The following MYO3A variants were observed in gnomAD, a reference collection of about 807,000 sequenced individuals.
The protein encoded by MYO3A is myosin IIIA, also known as myosin-IIIa.
In MYO3A, 180 loss-of-function variants were observed where a neutral mutation model predicts 192.7. The observed-to-expected ratio is 0.93, with a 90% CI of 0.83 to 1.06. The LOEUF (loss-of-function observed/expected upper bound fraction) is 1.06. MYO3A is among the 50% of genes least tolerant of loss of function. The pLI, the probability that MYO3A is intolerant of heterozygous loss-of-function variation, is 0.00. For synonymous variants in MYO3A, 628 were observed against 645.3 expected, an observed-to-expected ratio of 0.97 and a Z score of 0.41; for missense variants, 1,896 against 1,905.0, an observed-to-expected ratio of 1.00 and a Z score of 0.09.
intron 14 of MYO3A, among the ~76,000 whole-genome samples, chr10:26,071,902 C>G (rs56011042): frequency 0.47 from 72,009 of 151,738 alleles, 17,866 homozygotes; most frequent in Middle Eastern, 0.59. Flanking sequence ...TGTATTACTC[C>G]ATTCTCACAC....
chr10:26,087,071 AC>A (rs1162266646), intron 14 of MYO3A, among the ~76,000 whole-genome samples: 1 of 152,170 alleles, frequency 6.6e-6, no homozygotes, highest in Non-Finnish European at 1.5e-5. Flanking sequence ...AGATGCAAAA[AC>A]GAGGTGTTTG....
chr10:26,190,826 C>T (rs1278074031), intron 31 of MYO3A, among the ~76,000 whole-genome samples: 1 of 152,064 alleles, frequency 6.6e-6, no homozygotes, highest in Non-Finnish European at 1.5e-5. Flanking sequence ...TCCCTTTGCA[C>T]CAACCTAATA....
chr10:26,105,329 A>G (rs1406568457), intron 17 of MYO3A, among the ~76,000 whole-genome samples: 4 of 152,124 alleles, frequency 2.6e-5, no homozygotes, highest in Non-Finnish European at 5.9e-5. Context: ...TTCCACCAAC[A>G]ATACATATTA....
chr10:25,954,897 A>G lies in MYO3A; in HGVS notation c.192A>G (p.Ala64=). 6.2e-7 allele frequency: 1 copy of G among 1,612,508 alleles called. No individual in the cohort carries two copies. ...AGGATATTGACGAAGAGATTGAAGC[A>G]GAATATAACATCTTAAAAGCACTTT... is the stretch of plus-strand genomic sequence containing the variant. ...PIHDIDEEIE[A]EYNILKALSD... Residue 64 remains alanine, a synonymous_variant, in exon 4 of 35, where the codon GCA becomes GCG. Transcript: ENST00000642920.
At chr10:26,104,449 CT>C (rs1564552828) in intron 17 of MYO3A, among the ~76,000 whole-genome samples, 1 of 152,076 alleles carries the variant, frequency 6.6e-6, no homozygotes, top group African/African-American at 2.4e-5. Flanking sequence ...AAAGATTATC[CT>C]TTCCCCATTG....
In MYO3A at chr10:26,125,418, C is replaced by T. The variant is rs777460208; in HGVS notation, c.1924C>T (p.Arg642Trp). The change falls in exon 19 of 35, where the codon CGG (arginine) becomes TGG (tryptophan). Residue 642 changes from arginine to tryptophan, a missense_variant. By Grantham distance (101) the Arg-to-Trp change is moderately radical. Coordinates refer to ENST00000642920, the MANE Select transcript of MYO3A (RefSeq NM_017433.5). ...LENCASLLCI[R>W]ADELQEALTS... is the part of the protein sequence containing the mutation. Reference sequence around the variant, plus strand: ...TTCAGGTGCTTCTTTGCTTTGCATTCGGGCAGATGAGCTACAAGAAGCTCT... The same window carrying T: ...TTCAGGTGCTTCTTTGCTTTGCATTTGGGCAGATGAGCTACAAGAAGCTCT... 18 of 1,613,854 alleles carry T rather than the reference C, an allele frequency of 1.1e-5. No individual in the cohort carries two copies. Among genetic ancestry groups the T allele is most frequent in the South Asian group, 2.2e-5 (2 of 91,078 alleles).
intron 34 of MYO3A, among the ~76,000 whole-genome samples, chr10:26,207,569 G>T (rs1844030278): frequency 6.6e-6 from 1 of 152,168 alleles, no homozygotes; most frequent in African/African-American, 2.4e-5. Context: ...TGGCATCTTT[G>T]TTGAAAATCA....
chr10:26,059,830 T>C (rs763576737), intron 10 of MYO3A, among the ~76,000 whole-genome samples: 1 of 152,290 alleles, frequency 6.6e-6, no homozygotes, highest in East Asian at 1.9e-4. Flanking sequence ...TAAATATGAG[T>C]TGGATTGAAC....
chr10:25,984,905 T>G (rs11498421), intron 4 of MYO3A, among the ~76,000 whole-genome samples: 14,583 of 152,170 alleles, frequency 0.096, 1,242 homozygotes, highest in African/African-American at 0.22. Context: ...CAAAAGCAGT[T>G]CTAAGAGAAA....
chr10:26,062,530 A>AAAAACG (rs1554816581), intron 10 of MYO3A, among the ~76,000 whole-genome samples: 2 of 125,946 alleles, frequency 1.6e-5, no homozygotes, highest in Non-Finnish European at 3.4e-5. Context: ...AAAAAAAAAA[A>AAAAACG]AAATTATGGA....
Position 26,033,311 on chromosome 10 carries a change from C to T in MYO3A, c.953+6779C>T, listed in dbSNP as rs183499797. Among the ~76,000 whole-genome samples the T allele has an allele frequency of 7.2e-5, 11 of 152,256 alleles. No homozygotes were observed. The East Asian group carries it at 1.7e-3, about 24-fold the overall frequency. ...TGCCAGGCTGGTCTCAAACTCCTGACCTCGTGGTCCACCCGCTTCGGCCTC... is the reference window on the plus strand; with the variant it reads ...TGCCAGGCTGGTCTCAAACTCCTGATCTCGTGGTCCACCCGCTTCGGCCTC... On this transcript the variant is annotated intron_variant, in intron 10 of 34. Coordinates refer to ENST00000642920, the MANE Select transcript of MYO3A (RefSeq NM_017433.5).
intron 17 of MYO3A, among the ~76,000 whole-genome samples, chr10:26,117,146 G>T (rs566613227): frequency 6.6e-6 from 1 of 152,098 alleles, no homozygotes; most frequent in African/African-American, 2.4e-5. Context: ...TGGGTAGGTA[G>T]GATTTGGAGA....
At chr10:26,159,196 T>C (rs1841340040) in intron 26 of MYO3A, among the ~76,000 whole-genome samples, 1 of 151,094 alleles carries the variant, frequency 6.6e-6, no homozygotes, top group Non-Finnish European at 1.5e-5. Flanking sequence ...TTCACCGTTT[T>C]AGCCAGGATG....
At chr10:26,057,448 C>G (rs1346939601) in intron 10 of MYO3A, among the ~76,000 whole-genome samples, 1 of 152,110 alleles carries the variant, frequency 6.6e-6, no homozygotes, top group Admixed American at 6.5e-5. Flanking sequence ...AGAGGAGATA[C>G]ATGAAAATAT....
intron 4 of MYO3A, among the ~76,000 whole-genome samples, chr10:25,987,720 G>A (rs1412731537): frequency 6.6e-6 from 1 of 152,134 alleles, no homozygotes; most frequent in Non-Finnish European, 1.5e-5. Flanking sequence ...ATGTTCGCAT[G>A]GAAGCATTGA....
intron 6 of MYO3A, among the ~76,000 whole-genome samples, chr10:26,014,277 TA>T (rs968845339): frequency 4.6e-5 from 7 of 151,874 alleles, no homozygotes; most frequent in African/African-American, 1.7e-4. Flanking sequence ...GTTATTGAAA[TA>T]AAAAAATAAA....
chr10:26,036,101 T>C (rs1843021785), intron 10 of MYO3A, among the ~76,000 whole-genome samples: 1 of 151,758 alleles, frequency 6.6e-6, no homozygotes, highest in Admixed American at 6.6e-5. Flanking sequence ...GCCTGGCTAA[T>C]TTTTTTTGTA....
intron 26 of MYO3A, among the ~76,000 whole-genome samples, chr10:26,165,516 C>A (rs1319103283): frequency 6.6e-6 from 1 of 152,100 alleles, no homozygotes; most frequent in Non-Finnish European, 1.5e-5. Context: ...TCTTTCCTTC[C>A]CTCGATTATG....
intron 26 of MYO3A, among the ~76,000 whole-genome samples, chr10:26,163,944 G>A (rs750758774): frequency 2.6e-4 from 40 of 152,110 alleles, no homozygotes; most frequent in Non-Finnish European, 5.0e-4. Context: ...GAGAGGCAGG[G>A]GACATTAGGT....
Sources: allele counts gnomAD v4.1 joint callset (sites outside exome capture counted in the v4.1 genomes callset), GRCh38; gene constraint gnomAD v4.1.1; transcripts MANE v1.5; gene names NCBI Gene and HGNC (gene_info 2026-07-23, HGNC 2026-07-21).